NBAS: variants seen among roughly 807,000 people sequenced by gnomAD.
NBAS encodes NAG/BC035112 fusion.
In NBAS, 219 loss-of-function variants were observed where a neutral mutation model predicts 302.5. The ratio of observed to expected loss-of-function variants is 0.72; its 90% CI spans 0.65 to 0.81. NBAS has a LOEUF of 0.81. NBAS is among the 30% of genes least tolerant of loss of function. NBAS has a pLI of 0.00. For synonymous variants in NBAS, 1,118 were observed against 1,021.6 expected (o/e 1.09, Z -1.80); for missense variants, 2,932 against 2,841.6 (o/e 1.03, Z -0.72).
At chr2:14,881,765 A>T in the NBAS span, among the ~76,000 whole-genome samples, 3 of 152,218 alleles carry the variant, frequency 2.0e-5, no homozygotes, top group African/African-American at 7.2e-5. Flanking sequence ...TTGTACTGCA[A>T]TGGCAGAGCT....
In NBAS at chr2:15,183,442, C is replaced by T. The variant is rs548742338; in HGVS notation, c.6711+3300G>A. Among the ~76,000 whole-genome samples, 17 of 152,324 alleles carry T rather than the reference C, an allele frequency of 1.1e-4. No homozygotes were observed. The South Asian group carries it at 2.3e-3, about 20-fold the overall frequency. ...AACATGATAACGACCTACTTTGCAA[C>T]GGGATTTAACCCAGTACCTTGTCTC... On this transcript the variant is annotated intron_variant, in intron 50 of 51. Coordinates refer to ENST00000281513, the MANE Select transcript of NBAS (RefSeq NM_015909.4).
the NBAS span, among the ~76,000 whole-genome samples, chr2:15,049,079 C>T: frequency 6.6e-6 from 1 of 152,318 alleles, no homozygotes; most frequent in Non-Finnish European, 1.5e-5. Context: ...GAGGAGGTGA[C>T]ATTTAAGGAA....
intron 21 of NBAS, among the ~76,000 whole-genome samples, chr2:15,453,443 T>C (rs78546877): frequency 0.013 from 1,937 of 152,304 alleles, 32 homozygotes; most frequent in East Asian, 0.059. Context: ...AGGTATATAC[T>C]GACATAAGAT....
chr2:15,077,856 G>A, the NBAS span, among the ~76,000 whole-genome samples: 1 of 151,774 alleles, frequency 6.6e-6, no homozygotes. Flanking sequence ...GCTAATTTTT[G>A]TATTTTTAGT....
chr2:15,174,324 C>A (rs1014025515), intron 51 of NBAS, among the ~76,000 whole-genome samples: 5 of 152,080 alleles, frequency 3.3e-5, no homozygotes, highest in Non-Finnish European at 7.4e-5. Context: ...GCCTTCATGG[C>A]AAGATTACAG....
chr2:15,510,100 G>A (rs555640568), intron 10 of NBAS, among the ~76,000 whole-genome samples: 5 of 152,198 alleles, frequency 3.3e-5, no homozygotes, highest in East Asian at 1.9e-4. Flanking sequence ...CACCCACTTC[G>A]GCCTCCCAAA....
chr2:15,440,924 A>G (rs1024553170), intron 21 of NBAS, among the ~76,000 whole-genome samples: 2 of 152,090 alleles, frequency 1.3e-5, no homozygotes, highest in African/African-American at 4.8e-5. Context: ...AGATGAAATG[A>G]ATGAAATGAA....
chr2:14,844,133 A>G, the NBAS span, among the ~76,000 whole-genome samples: 1 of 152,176 alleles, frequency 6.6e-6, no homozygotes, highest in African/African-American at 2.4e-5. Context: ...TTGTGACTAC[A>G]AAGAAGATAC....
the NBAS span, among the ~76,000 whole-genome samples, chr2:14,815,247 A>T: frequency 2.0e-5 from 3 of 152,222 alleles, no homozygotes; most frequent in Non-Finnish European, 4.4e-5. Flanking sequence ...GGGCATGCAC[A>T]TCAACTCCCA....
intron 34 of NBAS, 113 bp from the exon 35 acceptor site, chr2:15,352,194 T>A: frequency 1.3e-6 from 1 of 743,996 alleles, no homozygotes; most frequent in Non-Finnish European, 2.3e-6. Flanking sequence ...TACCTTTTCA[T>A]AATGATTAGT....
At chr2:15,453,156 A>G (rs1274164234) in intron 21 of NBAS, among the ~76,000 whole-genome samples, 1 of 151,952 alleles carries the variant, frequency 6.6e-6, no homozygotes, top group Non-Finnish European at 1.5e-5. Context: ...AAACTTCTGG[A>G]GACCCTGAAT....
chr2:15,541,645 C>A (rs1036369581), intron 6 of NBAS, among the ~76,000 whole-genome samples: 1 of 151,954 alleles, frequency 6.6e-6, no homozygotes, highest in Non-Finnish European at 1.5e-5. Flanking sequence ...CAAGATACTG[C>A]ATACATTCTG....
chr2:15,252,188 G>A (rs1362466967), intron 44 of NBAS, among the ~76,000 whole-genome samples: 1 of 152,172 alleles, frequency 6.6e-6, no homozygotes, highest in East Asian at 1.9e-4. Flanking sequence ...TTGCTAAGCA[G>A]ACTTTTTTTC....
the NBAS span, among the ~76,000 whole-genome samples, chr2:14,808,608 C>T: frequency 6.6e-6 from 1 of 152,174 alleles, no homozygotes. Flanking sequence ...GAGGCTTCGC[C>T]AGCCATGTGG....
intron 9 of NBAS, among the ~76,000 whole-genome samples, chr2:15,518,710 C>A (rs529608253): frequency 6.6e-6 from 1 of 152,152 alleles, no homozygotes; most frequent in South Asian, 2.1e-4. Context: ...AAGACATGCC[C>A]GAGACTTGGC....
chr2:15,170,601 T>C (rs774844619), intron 51 of NBAS, among the ~76,000 whole-genome samples: 1 of 152,206 alleles, frequency 6.6e-6, no homozygotes, highest in Non-Finnish European at 1.5e-5. Context: ...GGTGGGTGAC[T>C]TTATCTTATT....
At position 15,401,514 on chromosome 2, in the gene NBAS, G is replaced by T. The variant is rs2148427915; in HGVS notation, c.3071+654C>A. ...AAGAAGTAAAGTGACTTGGTTAAAA[G>T]TCATAAAAGTTTAAAACAGGTCTGC... On this transcript the variant is annotated intron_variant, in intron 26 of 51. Transcript: ENST00000281513. Among the ~76,000 whole-genome samples, 4 of 152,168 alleles carry T rather than the reference G, an allele frequency of 2.6e-5. No homozygotes were observed. The South Asian group carries it at 8.3e-4, about 32-fold the overall frequency.
the NBAS span, among the ~76,000 whole-genome samples, chr2:15,161,711 A>T: frequency 6.6e-6 from 1 of 152,170 alleles, no homozygotes; most frequent in Non-Finnish European, 1.5e-5. Context: ...CCACCCAGCC[A>T]GGGCAGCTTT....
the NBAS span, among the ~76,000 whole-genome samples, chr2:14,964,722 A>G: frequency 5.3e-5 from 8 of 152,278 alleles, no homozygotes; most frequent in African/African-American, 1.4e-4. Context: ...ACATTTATGG[A>G]CAATGGCACA....
Sources: gnomAD v4.1 joint callset for allele counts (sites outside exome capture counted in the v4.1 genomes callset) on GRCh38, gnomAD v4.1.1 for gene constraint, MANE v1.5 for transcripts, NCBI Gene and HGNC (gene_info 2026-07-23, HGNC 2026-07-21) for gene names.